CNTRL: variants seen among roughly 807,000 people sequenced by gnomAD.
CNTRL encodes the protein 110 kDa centrosomal protein.
In CNTRL, 233 loss-of-function variants were observed where a neutral mutation model predicts 303.7. The ratio of observed to expected loss-of-function variants is 0.77; its 90% CI spans 0.69 to 0.86. CNTRL has a LOEUF of 0.86. Ranked by LOEUF, CNTRL falls within the 40% of genes least tolerant of loss-of-function variation. The pLI is 0.00. For synonymous variants in CNTRL, 900 were observed against 922.2 expected, an observed-to-expected ratio of 0.98 and a Z score of 0.44; for missense variants, 2,524 against 2,650.6, an observed-to-expected ratio of 0.95 and a Z score of 1.05.
intron 14 of CNTRL, among the ~76,000 whole-genome samples, chr9:121,126,727 G>A (rs1317534432): frequency 1.3e-5 from 2 of 151,958 alleles, no homozygotes; most frequent in Non-Finnish European, 2.9e-5. Flanking sequence ...GCAATATATA[G>A]TATTTTCCTT....
At chr9:121,123,773 G>A (rs1489038046) in intron 12 of CNTRL, among the ~76,000 whole-genome samples, 158 bp from the exon 13 acceptor site, 1 of 152,124 alleles carries the variant, frequency 6.6e-6, no homozygotes, top group Non-Finnish European at 1.5e-5. Flanking sequence ...AAATTTAAAT[G>A]AAAACTACCC....
chr9:121,092,749 TA>T lies in CNTRL; in HGVS notation c.349-2137del, dbSNP rs1479438837. On this transcript the variant is annotated intron_variant, in intron 4 of 43. Transcript: ENST00000373855. ...TATATATATAATATATATCTATATA[TA>T]ATATATATCTATATATATTATATAT... 2.2e-4 allele frequency among the ~76,000 whole-genome samples: 20 copies of T among 89,984 alleles called. 5 individuals carry two copies. The highest frequency in any genetic ancestry group is 9.1e-4 in the African/African-American group (20 of 22,058). The allele number at this position is 89,984 out of a possible 152,430, so 59.0% of individuals were successfully genotyped here.
intron 36 of CNTRL, 141 bp from the exon 37 acceptor site, chr9:121,167,348 C>A: frequency 4.4e-6 from 3 of 674,834 alleles, no homozygotes; most frequent in South Asian, 2.3e-5. Context: ...TTCTCTTGTA[C>A]CTGTAAGTTT....
chr9:121,095,072 G>A (rs2048832452), intron 5 of CNTRL, 54 bp downstream of exon 5: 1 of 1,391,740 alleles, frequency 7.2e-7, no homozygotes, highest in Non-Finnish European at 9.8e-7. Flanking sequence ...TTGTTAGAGA[G>A]GTAGATTAAT....
intron 14 of CNTRL, among the ~76,000 whole-genome samples, chr9:121,131,742 A>G (rs773206243): frequency 6.6e-6 from 1 of 152,144 alleles, no homozygotes. Flanking sequence ...GGTCTTTACA[A>G]TTTGGCATGT....
At chr9:121,125,563 T>C (rs1380977238) in intron 13 of CNTRL, among the ~76,000 whole-genome samples, 153 bp from the exon 14 acceptor site, 1 of 152,114 alleles carries the variant, frequency 6.6e-6, no homozygotes, top group Non-Finnish European at 1.5e-5. Flanking sequence ...CTATCTATAA[T>C]AGGAAGAAAA....
At chr9:121,087,086 C>T (rs537878961) in intron 2 of CNTRL, among the ~76,000 whole-genome samples, 13 of 152,104 alleles carry the variant, frequency 8.5e-5, no homozygotes, top group South Asian at 4.2e-4. Flanking sequence ...GATTAGAGTG[C>T]GTGAGAGTGA....
chr9:121,085,406 C>A (rs893759936), intron 2 of CNTRL, among the ~76,000 whole-genome samples: 11 of 151,798 alleles, frequency 7.2e-5, no homozygotes, highest in African/African-American at 2.7e-4. Context: ...TGATACATTG[C>A]AATAAAAAAT....
intron 40 of CNTRL, 56 bp downstream of exon 40, chr9:121,171,604 C>T: frequency 1.9e-6 from 3 of 1,559,634 alleles, no homozygotes; most frequent in Non-Finnish European, 2.6e-6. Flanking sequence ...TCACTGGGCT[C>T]AGGCAGATTG....
At chr9:121,083,286 TA>T (rs2048218128) in intron 2 of CNTRL, among the ~76,000 whole-genome samples, 1 of 152,240 alleles carries the variant, frequency 6.6e-6, no homozygotes, top group African/African-American at 2.4e-5. Context: ...ACTGTTGTAG[TA>T]AAACTTAGCT....
intron 8 of CNTRL, 107 bp downstream of exon 8, chr9:121,108,102 G>T: frequency 1.5e-6 from 1 of 673,644 alleles, no homozygotes; most frequent in South Asian, 2.7e-5. Flanking sequence ...GGGAAGATGT[G>T]GTTTAACAGA....
In CNTRL at chr9:121,148,735, A is replaced by G. The variant is rs575657141; in HGVS notation, c.3523A>G (p.Thr1175Ala). 1.4e-4 allele frequency: 219 copies of G among 1,613,836 alleles called. 4 individuals are homozygous for G. The South Asian group carries it at 2.4e-3, about 17-fold the overall frequency. ...SGVGLKYSASTPVRKPRPGQQ... is the reference protein window; with the variant it reads ...SGVGLKYSASAPVRKPRPGQQ... ...TGTTGGCCTTAAGTACTCAGCCTCA[A>G]CTCCTGTTAGAAAACCACGCCCTGG... The change falls in exon 24 of 44, where the codon ACT becomes GCT. Residue 1175 changes from threonine to alanine, a missense_variant. Transcript: ENST00000373855.
In CNTRL at chr9:121,167,678, GT is replaced by G; in HGVS notation, c.5844+2del. The G allele has an allele frequency of 6.2e-7, 1 of 1,609,068 alleles. No individual in the cohort carries two copies. The highest frequency in any genetic ancestry group is 8.5e-7 in the Non-Finnish European group (1 of 1,177,848). On this transcript the variant is annotated splice_donor_variant, in intron 37 of 43. Transcript: ENST00000373855. LOFTEE classifies it high-confidence loss of function. ...GCTCAAACTAGTCCAACAAGAAATG[GT>G]ACTACACATTTATGATTTTACATAA... is the stretch of plus-strand genomic sequence containing the variant.
intron 8 of CNTRL, among the ~76,000 whole-genome samples, chr9:121,109,649 G>A (rs2133060249): frequency 6.6e-6 from 1 of 152,162 alleles, no homozygotes; most frequent in South Asian, 2.1e-4. Context: ...ACCACTAGAA[G>A]TGGAATTACC....
Position 121,141,589 on chromosome 9 carries a change from G to C in CNTRL, c.2691+1G>C, listed in dbSNP as rs1418228322. 1 of 1,613,752 alleles carries C rather than the reference G, an allele frequency of 6.2e-7. No individual in the cohort carries two copies. The highest frequency in any genetic ancestry group is 1.7e-5 in the Admixed American group (1 of 59,972). On this transcript the variant is annotated splice_donor_variant, in intron 18 of 43. Transcript: ENST00000373855. LOFTEE classifies it high-confidence loss of function. ...CTGTGAGAGAGCCCTGGAAGCAAGAGTAAGACAAGGGCAAGAGGCACCTGG... is the reference window on the plus strand; with the variant it reads ...CTGTGAGAGAGCCCTGGAAGCAAGACTAAGACAAGGGCAAGAGGCACCTGG...
rs2048426663 is a variant in CNTRL at position 121,088,340 on chromosome 9, C to T, written c.14C>T (p.Ser5Phe). The T allele has an allele frequency of 3.7e-6, 6 of 1,611,246 alleles. No individual in the cohort carries two copies. Among genetic ancestry groups the T allele is most frequent in the Non-Finnish European group, 5.1e-6 (6 of 1,177,638 alleles). Residue 5 changes from serine to phenylalanine, a missense_variant, in exon 3 of 44, where the codon TCT becomes TTT. Transcript: ENST00000373855. Reference sequence around the variant, plus strand: ...TTTATTCTTGCAATGAAGAAAGGTTCTCAACAAAAAATATTCTCCAAAGCA... The same window carrying T: ...TTTATTCTTGCAATGAAGAAAGGTTTTCAACAAAAAATATTCTCCAAAGCA... MKKG[S>F]QQKIFSKAKI...
At chr9:121,136,319 T>C (rs1351208332) in intron 15 of CNTRL, among the ~76,000 whole-genome samples, 1 of 149,086 alleles carries the variant, frequency 6.7e-6, no homozygotes, top group East Asian at 2.0e-4. Flanking sequence ...GTTTAAGGAC[T>C]TTTTTTTTTG....
chr9:121,172,631 A>T (rs2053359185), intron 40 of CNTRL, among the ~76,000 whole-genome samples: 1 of 152,030 alleles, frequency 6.6e-6, no homozygotes, highest in Non-Finnish European at 1.5e-5. Flanking sequence ...ACAGAGCAAG[A>T]CCCTGTCTTT....
chr9:121,112,936 G>A (rs942641078), intron 9 of CNTRL, among the ~76,000 whole-genome samples: 1 of 152,026 alleles, frequency 6.6e-6, no homozygotes, highest in African/African-American at 2.4e-5. Context: ...CCCCTTACAT[G>A]GTTTGTTCAG....
Sources: gnomAD v4.1 joint callset for allele counts (sites outside exome capture counted in the v4.1 genomes callset) on GRCh38, gnomAD v4.1.1 for gene constraint, MANE v1.5 for transcripts, NCBI Gene and HGNC (gene_info 2026-07-23, HGNC 2026-07-21) for gene names.